The following MYO5A variants were observed in gnomAD, a reference collection of about 807,000 sequenced individuals.
MYO5A encodes unconventional myosin-Va.
Under a neutral mutation model 249.7 loss-of-function variants are expected in MYO5A, and 98 were observed. That is an observed-to-expected ratio of 0.39 (90% CI 0.33 to 0.46). The LOEUF is 0.46. Among genes scored for constraint, MYO5A ranks in the 20% least tolerant of loss-of-function variants. The pLI, the probability that MYO5A is intolerant of heterozygous loss-of-function variation, is 0.98. For missense variants in MYO5A, 1,696 were observed against 2,308.8 expected, an observed-to-expected ratio of 0.73 and a Z score of 5.44; for synonymous variants, 778 against 810.6, an observed-to-expected ratio of 0.96 and a Z score of 0.68.
intron 1 of MYO5A, among the ~76,000 whole-genome samples, chr15:52,439,282 G>A (rs1447092449): frequency 6.6e-6 from 1 of 152,152 alleles, no homozygotes; most frequent in Non-Finnish European, 1.5e-5. Context: ...TCATGTAGCT[G>A]GATTCTGTCA....
At chr15:52,318,338 C>T (rs1407145698) in intron 39 of MYO5A, among the ~76,000 whole-genome samples, 1 of 151,742 alleles carries the variant, frequency 6.6e-6, no homozygotes, top group East Asian at 1.9e-4. Context: ...TGCCTGTAAT[C>T]CCAGCTACTT....
At chr15:52,487,214 G>A (rs555615576) in intron 1 of MYO5A, among the ~76,000 whole-genome samples, 80 of 152,094 alleles carry the variant, frequency 5.3e-4, no homozygotes, top group Middle Eastern at 3.4e-3. Flanking sequence ...CCAGGAGTTC[G>A]AGACCAGCCT....
At chr15:52,471,623 C>CG (rs2076474142) in intron 1 of MYO5A, among the ~76,000 whole-genome samples, 1 of 42,414 alleles carries the variant, frequency 2.4e-5, no homozygotes. Flanking sequence ...ACACACACCC[C>CG]AAACAAAAAA....
chr15:52,383,631 G>A (rs1018636690), intron 15 of MYO5A, among the ~76,000 whole-genome samples: 1 of 152,202 alleles, frequency 6.6e-6, no homozygotes, highest in East Asian at 1.9e-4. Context: ...GTTAAAATTA[G>A]GGACCTAGGA....
intron 1 of MYO5A, chr15:52,505,626 G>A: frequency 1.5e-6 from 2 of 1,345,626 alleles, no homozygotes; most frequent in Non-Finnish European, 2.1e-6. Context: ...TATTAGATGT[G>A]AAATCTTGGG....
At chr15:52,424,420 T>C (rs2075351802) in intron 4 of MYO5A, among the ~76,000 whole-genome samples, 1 of 152,212 alleles carries the variant, frequency 6.6e-6, no homozygotes, top group Admixed American at 6.5e-5. Context: ...AAATGAAAAT[T>C]AATAATACCA....
At chr15:52,342,640 T>G (rs1340524630) in intron 31 of MYO5A, among the ~76,000 whole-genome samples, 2 of 152,126 alleles carry the variant, frequency 1.3e-5, no homozygotes, top group East Asian at 3.9e-4. Flanking sequence ...TTGGACCGGG[T>G]GTGGTGGCTG....
In MYO5A at chr15:52,404,259, C is replaced by G. The variant is rs1324922449; in HGVS notation, c.1053+1028G>C. On this transcript the variant is annotated intron_variant, in intron 9 of 41. Transcript: ENST00000399233. ...TCCAGCCTGGGCGACAAGAGTGAAA[C>G]TCCGTCTCAAAAAAAAAAAAAAAAA... Among the ~76,000 whole-genome samples the G allele has an allele frequency of 1.0e-4, 8 of 77,532 alleles. No homozygotes were observed. The Admixed American group carries it at 1.6e-3, about 16-fold the overall frequency. 50.9% of individuals were successfully genotyped at this position (77,532 alleles called of 152,430 possible). A position where few individuals can be genotyped will look rare whatever the true frequency, so the allele number is the denominator to read the frequency against.
At chr15:52,379,266 G>T (rs1455062672) in intron 18 of MYO5A, among the ~76,000 whole-genome samples, 1 of 152,128 alleles carries the variant, frequency 6.6e-6, no homozygotes, top group African/African-American at 2.4e-5. Flanking sequence ...TCTTTAAAAA[G>T]TATTACTTTC....
chr15:52,478,133 C>G (rs960537801), intron 1 of MYO5A, among the ~76,000 whole-genome samples: 3 of 152,242 alleles, frequency 2.0e-5, no homozygotes, highest in African/African-American at 7.2e-5. Context: ...CCCCCAGCCT[C>G]GCTGCCACCT....
At chr15:52,317,713 C>T (rs1413683415) in intron 39 of MYO5A, among the ~76,000 whole-genome samples, 1 of 152,088 alleles carries the variant, frequency 6.6e-6, no homozygotes, top group Non-Finnish European at 1.5e-5. Context: ...AAGGGAAGAG[C>T]CTAGGAGATG....
chr15:52,497,345 C>T (rs1017219317), intron 1 of MYO5A, among the ~76,000 whole-genome samples: 8 of 151,472 alleles, frequency 5.3e-5, no homozygotes, highest in South Asian at 2.1e-4. Context: ...AAAAAATATA[C>T]GCAGATATTC....
intron 3 of MYO5A, 96 bp from the exon 4 acceptor site, chr15:52,426,070 T>C: frequency 9.6e-7 from 1 of 1,047,078 alleles, no homozygotes; most frequent in Non-Finnish European, 1.4e-6. Context: ...GTTAACACAA[T>C]CCTTCATTTC....
intron 41 of MYO5A, 77 bp downstream of exon 41, chr15:52,314,045 AT>A: frequency 7.4e-7 from 1 of 1,360,076 alleles, no homozygotes; most frequent in Non-Finnish European, 1.0e-6. Flanking sequence ...AAGATAACAC[AT>A]TATCCTTCAA....
chr15:52,465,112 G>T (rs1276026053), intron 1 of MYO5A, among the ~76,000 whole-genome samples: 1 of 152,218 alleles, frequency 6.6e-6, no homozygotes, highest in Non-Finnish European at 1.5e-5. Flanking sequence ...AGCCTTGGTA[G>T]TAAGGTCAGG....
rs1329752021 is a variant in MYO5A, at chr15:52,528,851, A to G, written c.-45T>C. The G allele has an allele frequency of 6.9e-7, 1 of 1,445,648 alleles. No individual in the cohort carries two copies. Among genetic ancestry groups the G allele is most frequent in the African/African-American group, 1.5e-5 (1 of 67,552 alleles). 89.6% of individuals were successfully genotyped at this position (1,445,648 alleles called of 1,614,324 possible). ...CGCCCCCCGCCTGTGCGGAGGCCGC[A>G]CCTCGCCTGGGCGGCCGCCCGAGCG... On this transcript the variant is annotated 5_prime_UTR_variant, in exon 1 of 42. Coordinates refer to ENST00000399233, the MANE Select transcript of MYO5A (RefSeq NM_001382347.1).
chr15:52,329,494 A>AC (rs1291073239), intron 35 of MYO5A, among the ~76,000 whole-genome samples: 1 of 152,162 alleles, frequency 6.6e-6, no homozygotes, highest in African/African-American at 2.4e-5. Flanking sequence ...GCAGGCTCAG[A>AC]CCCAATCTTA....
Position 52,410,382 on chromosome 15 carries a change from C to T in MYO5A, c.707G>A (p.Gly236Asp). The T allele has an allele frequency of 6.2e-7, 1 of 1,613,784 alleles. No homozygotes were observed. Among genetic ancestry groups the T allele is most frequent in the East Asian group, 2.2e-5 (1 of 44,856 alleles). Residue 236 changes from glycine (G) to aspartate (D), a missense_variant, in exon 6 of 42, where the codon GGT becomes GAT. By Grantham distance (94) the Gly-to-Asp change is moderately conservative. Coordinates refer to ENST00000399233, the MANE Select transcript of MYO5A (RefSeq NM_001382347.1). ...IGFDKRYRII[G>D]ANMRTYLLEK... ...TAAAAGATAAGTTCTCATATTGGCA[C>T]CAATGATTCGATATCTCTTATCAAA...
rs780931670 is a variant in MYO5A, at chr15:52,528,785, T to G, written c.22A>C (p.Thr8Pro). The change falls in exon 1 of 42, where the codon ACA becomes CCA. Residue 8 changes from threonine to proline, a missense_variant. Physicochemically the swap from Thr to Pro is conservative, Grantham distance 38. Around this residue, in one of 5 missense-constraint regions of MYO5A, gnomAD observed 197 missense variants for 320.3 expected, o/e 0.62. Coordinates refer to ENST00000399233, the MANE Select transcript of MYO5A (RefSeq NM_001382347.1). MAASELY[T>P]KFARVWIPDP... Reference sequence around the variant, plus strand: ...CCGGCCGCGGGGTGCCTTACCTTTGTGTAGAGCTCCGACGCAGCCATGGCG... The same window carrying G: ...CCGGCCGCGGGGTGCCTTACCTTTGGGTAGAGCTCCGACGCAGCCATGGCG... 4.5e-5 allele frequency: 68 copies of G among 1,503,482 alleles called. No homozygotes were observed. The highest frequency in any genetic ancestry group is 5.7e-5 in the Non-Finnish European group (65 of 1,132,918). 93.1% of individuals were successfully genotyped at this position (1,503,482 alleles called of 1,614,324 possible).
Sources: gnomAD v4.1 joint callset for allele counts (sites outside exome capture counted in the v4.1 genomes callset) on GRCh38, gnomAD v4.1.1 for gene constraint, gnomAD v4.1.1 regional missense constraint, MANE v1.5 for transcripts, NCBI Gene and HGNC (gene_info 2026-07-23, HGNC 2026-07-21) for gene names.